Variants in KIF5B observed in about 807,000 individuals in gnomAD.
KIF5B encodes the protein kinesin family member 5B, also known as kinesin-1 heavy chain.
A neutral mutation model predicts 132.8 loss-of-function variants in KIF5B; 49 were observed. That is an observed-to-expected ratio of 0.37 (90% CI 0.29 to 0.47). The LOEUF (loss-of-function observed/expected upper bound fraction) is 0.47. KIF5B is among the 20% of genes least tolerant of loss of function. KIF5B has a pLI of 1.00. For missense variants in KIF5B, 780 were observed against 1,144.0 expected (o/e 0.68, Z 4.59); for synonymous variants, 355 against 369.4 (o/e 0.96, Z 0.45).
chr10:32,022,034 A>T, intron 17 of KIF5B, 106 bp downstream of exon 17: 1 of 635,042 alleles, frequency 1.6e-6, no homozygotes, highest in Non-Finnish European at 2.8e-6. Context: ...TTACCATTCG[A>T]AATCAGCCAT....
intron 25 of KIF5B, among the ~76,000 whole-genome samples, chr10:32,013,082 G>C (rs1841106828): frequency 6.6e-6 from 1 of 151,810 alleles, no homozygotes. Flanking sequence ...TGTATTTTTA[G>C]TAGAGGCAGG....
chr10:32,047,831 A>G (rs211291), intron 2 of KIF5B, among the ~76,000 whole-genome samples: 30,399 of 152,218 alleles, frequency 0.2, 3,290 homozygotes, highest in Non-Finnish European at 0.24. Context: ...GAAATAAATC[A>G]TATCACAAAG....
chr10:32,037,122 G>T, intron 8 of KIF5B, 132 bp downstream of exon 8: 1 of 731,722 alleles, frequency 1.4e-6, no homozygotes. Flanking sequence ...ACTGGCATCA[G>T]CGGTTACAAA....
chr10:32,035,764 CA>C, intron 9 of KIF5B, 97 bp from the exon 10 acceptor site: 1 of 1,358,886 alleles, frequency 7.4e-7, no homozygotes, highest in Non-Finnish European at 1.0e-6. Flanking sequence ...CATACTGATT[CA>C]AACACATTGA....
intron 15 of KIF5B, among the ~76,000 whole-genome samples, chr10:32,024,041 ACGT>A (rs1490989115): frequency 1.7e-5 from 2 of 118,572 alleles, no homozygotes; most frequent in Non-Finnish European, 3.8e-5. Flanking sequence ...TCAAAAAATG[ACGT>A]TGAGAGTAAA....
At chr10:32,036,417 T>C (rs1232549359) in intron 8 of KIF5B, among the ~76,000 whole-genome samples, 1 of 152,058 alleles carries the variant, frequency 6.6e-6, no homozygotes, top group Non-Finnish European at 1.5e-5. Context: ...TAAATATCTA[T>C]GTTGTGGTGT....
intron 1 of KIF5B, among the ~76,000 whole-genome samples, chr10:32,054,531 T>C (rs1164786125): frequency 6.6e-6 from 1 of 152,250 alleles, no homozygotes; most frequent in Non-Finnish European, 1.5e-5. Context: ...AACTTTAGTC[T>C]GTCTTCAGTG....
intron 1 of KIF5B, among the ~76,000 whole-genome samples, chr10:32,055,183 C>CA (rs879933975): frequency 1.6e-3 from 221 of 138,072 alleles, no homozygotes; most frequent in Middle Eastern, 3.7e-3. Flanking sequence ...CATCCTGTTT[C>CA]AAAAAAAAAA....
intron 19 of KIF5B, 78 bp from the exon 20 acceptor site, chr10:32,020,037 T>G (rs1841237526): frequency 6.3e-6 from 6 of 950,300 alleles, no homozygotes; most frequent in Non-Finnish European, 9.8e-6. Flanking sequence ...TTCCAAACTT[T>G]TAAATTCTAT....
At position 32,030,362 on chromosome 10, in the gene KIF5B, CA is replaced by C. The variant is rs554940545; in HGVS notation, c.1581+710del. Among the ~76,000 whole-genome samples, 656 of 152,016 alleles carry C rather than the reference CA, an allele frequency of 4.3e-3. 5 individuals are homozygous for C. Among genetic ancestry groups the C allele is most frequent in the African/African-American group, 0.015 (629 of 41,484 alleles). ...TGAAACCCTGTTGCTACTAAAAATA[CA>C]AAATGAGCCGGGCGTGGTGGCGGGC... On this transcript the variant is annotated intron_variant, in intron 14 of 25. Coordinates refer to ENST00000302418, the MANE Select transcript of KIF5B (RefSeq NM_004521.3).
At position 32,031,228 on chromosome 10, in the gene KIF5B, G is replaced by A. The variant is rs774369338; in HGVS notation, c.1426C>T (p.Arg476Cys). Residue 476 changes from arginine (R) to cysteine (C), a missense_variant, in exon 14 of 26, where the codon CGC (arginine) becomes TGC (cysteine). Transcript: ENST00000302418. ...DQDNMQAELN[R>C]LQAENDASKE... ...GAGGCATCATTTTCTGCTTGAAGGC[G>A]ATTCAGCTCAGCTTGCATATTGTCT... 2.5e-6 allele frequency: 4 copies of A among 1,613,900 alleles called. No individual in the cohort carries two copies. Among genetic ancestry groups the A allele is most frequent in the Admixed American group, 3.3e-5 (2 of 59,998 alleles).
rs1339930758 is a variant in KIF5B at position 32,054,971 on chromosome 10, G to A, written c.126+877C>T. Among the ~76,000 whole-genome samples, 3 of 152,142 alleles carry A rather than the reference G, an allele frequency of 2.0e-5. No individual in the cohort carries two copies. In the East Asian group the frequency reaches 5.8e-4, roughly 29 times the overall value. On this transcript the variant is annotated intron_variant, in intron 1 of 25. Coordinates refer to ENST00000302418, the MANE Select transcript of KIF5B (RefSeq NM_004521.3). ...TTCAAGATAGACCTTAACTGCAGAA[G>A]TATGAATCTAATACTGGTCAATTTT...
rs781003802 is a variant in KIF5B at position 32,019,923 on chromosome 10, T to C, written c.2241A>G (p.Leu747=). 3 of 1,612,444 alleles carry C rather than the reference T, an allele frequency of 1.9e-6. No homozygotes were observed. The highest frequency in any genetic ancestry group is 1.3e-5 in the African/African-American group (1 of 74,846). ...NQKMMLEQER[L]RVEHEKLKAT... is the part of the protein sequence containing the mutation. ...CTTTCAACTTCTCATGTTCTACTCT[T>C]AGACGTTCCTGCTCTAACATCATTT... is the stretch of plus-strand genomic sequence containing the variant. Residue 747 remains leucine, a synonymous_variant, in exon 20 of 26, where the codon CTA becomes CTG. Transcript: ENST00000302418.
At chr10:32,017,092 G>A in intron 24 of KIF5B, 51 bp downstream of exon 24, 8 of 1,438,036 alleles carry the variant, frequency 5.6e-6, no homozygotes, top group Non-Finnish European at 6.9e-6. Context: ...TCCACTAAAT[G>A]AAAGCATTCA....
chr10:32,026,112 T>A (rs1207052701), intron 15 of KIF5B, among the ~76,000 whole-genome samples: 1 of 152,144 alleles, frequency 6.6e-6, no homozygotes, highest in East Asian at 1.9e-4. Context: ...CATTGTAAAC[T>A]GTAACATAAA....
At chr10:32,027,723 T>C (rs1841351745) in intron 15 of KIF5B, among the ~76,000 whole-genome samples, 1 of 151,242 alleles carries the variant, frequency 6.6e-6, no homozygotes, top group Admixed American at 6.6e-5. Flanking sequence ...TCTCTTAAAA[T>C]AGCTGGGACT....
chr10:32,053,297 C>A (rs1398156033), intron 1 of KIF5B, among the ~76,000 whole-genome samples: 1 of 151,744 alleles, frequency 6.6e-6, no homozygotes, highest in South Asian at 2.1e-4. Flanking sequence ...AAATATGAGA[C>A]CTCAATAATT....
intron 1 of KIF5B, among the ~76,000 whole-genome samples, chr10:32,049,284 T>C (rs1841656593): frequency 6.6e-6 from 1 of 152,184 alleles, no homozygotes; most frequent in South Asian, 2.1e-4. Flanking sequence ...GAATTCTGAC[T>C]CATGCAATTG....
At position 32,028,580 on chromosome 10, in the gene KIF5B, A is replaced by G. The variant is rs755882766; in HGVS notation, c.1582-9T>C. 2 of 1,602,142 alleles carry G rather than the reference A, an allele frequency of 1.2e-6. No individual in the cohort carries two copies. The highest frequency in any genetic ancestry group is 1.7e-6 in the Non-Finnish European group (2 of 1,175,658). On this transcript the variant is annotated splice_polypyrimidine_tract_variant and intron_variant, in intron 14 of 25. Coordinates refer to ENST00000302418, the MANE Select transcript of KIF5B (RefSeq NM_004521.3). ...ATACTCGCTAAAGTTGCCTAAGAGA[A>G]CCCAAAACAAAAAGTATAGTTAAAT...
Sources: gnomAD v4.1 joint callset for allele counts (sites outside exome capture counted in the v4.1 genomes callset) on GRCh38, gnomAD v4.1.1 for gene constraint, MANE v1.5 for transcripts, NCBI Gene and HGNC (gene_info 2026-07-23, HGNC 2026-07-21) for gene names.